The following COL28A1 variants were observed in gnomAD, a reference collection of about 807,000 sequenced individuals.
COL28A1 encodes collagen alpha-1(XXVIII) chain.
In COL28A1, 161 loss-of-function variants were observed where a neutral mutation model predicts 150.2. The observed-to-expected ratio is 1.07, with a 90% CI of 0.94 to 1.22. COL28A1 has a LOEUF of 1.22. Among genes scored for constraint, COL28A1 ranks in the 50% most tolerant of loss-of-function variants. The pLI is 0.00. For synonymous variants in COL28A1, 552 were observed against 469.7 expected, an observed-to-expected ratio of 1.18 and a Z score of -2.26; for missense variants, 1,617 against 1,388.3, an observed-to-expected ratio of 1.16 and a Z score of -2.62.
At chr7:7,540,804 G>A (rs1286299072), upstream of COL28A1, among the ~76,000 whole-genome samples, 7 of 152,262 alleles carry the variant, frequency 4.6e-5, no homozygotes, top group South Asian at 2.1e-4. Flanking sequence ...GGCCATTAAA[G>A]GCAATGAACA....
chr7:7,441,991 A>G (rs1393342315), intron 20 of COL28A1, among the ~76,000 whole-genome samples: 1 of 152,166 alleles, frequency 6.6e-6, no homozygotes, highest in Non-Finnish European at 1.5e-5. Context: ...CTCCACTACC[A>G]CTAATTTAGG....
chr7:7,515,956 A>C lies in COL28A1; in HGVS notation c.856-116T>G, dbSNP rs1026604124. The C allele has an allele frequency of 3.0e-5, 19 of 625,466 alleles. No individual in the cohort carries two copies. The African/African-American group carries it at 3.5e-4, about 11-fold the overall frequency. 38.7% of individuals were successfully genotyped at this position (625,466 alleles called of 1,614,324 possible). On this transcript the variant is annotated intron_variant, in intron 7 of 34. Transcript: ENST00000399429. ...AAAAACACATCTATACAGTCTGGAA[A>C]ATTAGATCATAGAAATGTAAACTGT...
At chr7:7,448,429 G>A (rs1335726745) in intron 18 of COL28A1, among the ~76,000 whole-genome samples, 5 of 151,686 alleles carry the variant, frequency 3.3e-5, no homozygotes, top group Non-Finnish European at 7.4e-5. Context: ...AAAAGCAACT[G>A]CACACTATAA....
At chr7:7,369,821 A>C (rs983973482) in intron 33 of COL28A1, among the ~76,000 whole-genome samples, 1 of 152,148 alleles carries the variant, frequency 6.6e-6, no homozygotes. Flanking sequence ...GCACATGCTC[A>C]TGATCACTCT....
intron 14 of COL28A1, among the ~76,000 whole-genome samples, chr7:7,475,907 T>A (rs1179546589): frequency 6.6e-6 from 1 of 152,214 alleles, no homozygotes; most frequent in Non-Finnish European, 1.5e-5. Flanking sequence ...CATGACAAAT[T>A]AAAATGTGTT....
rs1428204074 is a variant in COL28A1 at position 7,470,829 on chromosome 7, G to T, written c.1302+3772C>A. On this transcript the variant is annotated intron_variant, in intron 15 of 34. Transcript: ENST00000399429. ...CTTTGTAGGGACATGGATGAAATTG[G>T]AAACCATCATTCTCAGTAAACTATC... is the stretch of plus-strand genomic sequence containing the variant. 1.1e-4 allele frequency among the ~76,000 whole-genome samples: 14 copies of T among 128,974 alleles called. No individual in the cohort carries two copies. In the South Asian group the frequency reaches 3.3e-3, roughly 30 times the overall value. The allele number at this position is 128,974 out of a possible 152,430, so 84.6% of individuals were successfully genotyped here.
intron 25 of COL28A1, among the ~76,000 whole-genome samples, chr7:7,431,867 G>A (rs187704863): frequency 4.5e-4 from 69 of 152,222 alleles, no homozygotes; most frequent in Middle Eastern, 3.4e-3. Flanking sequence ...ATATTTTGGC[G>A]GTAGCATTGA....
chr7:7,365,450 C>G (rs1446055535), intron 33 of COL28A1, among the ~76,000 whole-genome samples: 1 of 152,080 alleles, frequency 6.6e-6, no homozygotes, highest in African/African-American at 2.4e-5. Flanking sequence ...TGTAGCTGGA[C>G]AAGCAGACGT....
chr7:7,388,717 T>C (rs1583270911), intron 27 of COL28A1, among the ~76,000 whole-genome samples: 1 of 152,232 alleles, frequency 6.6e-6, no homozygotes, highest in East Asian at 1.9e-4. Flanking sequence ...TGTGAGATGG[T>C]ATCTCATTGT....
intron 8 of COL28A1, among the ~76,000 whole-genome samples, chr7:7,515,528 C>T (rs978534595): frequency 1.3e-5 from 2 of 152,190 alleles, no homozygotes; most frequent in African/African-American, 2.4e-5. Flanking sequence ...TTTTAGCCTG[C>T]ATACCTGTGC....
intron 27 of COL28A1, among the ~76,000 whole-genome samples, chr7:7,388,846 G>GTT: frequency 6.6e-6 from 1 of 151,934 alleles, no homozygotes; most frequent in African/African-American, 2.4e-5. Context: ...CTTTTTGATG[G>GTT]GGTTGTTTTT....
At chr7:7,446,406 C>A (rs1201232331) in intron 18 of COL28A1, among the ~76,000 whole-genome samples, 1 of 151,872 alleles carries the variant, frequency 6.6e-6, no homozygotes, top group African/African-American at 2.4e-5. Context: ...AAGAAATGAA[C>A]AAGCTAGATA....
At chr7:7,486,869 T>C (rs182295662) in intron 13 of COL28A1, among the ~76,000 whole-genome samples, 111 of 152,340 alleles carry the variant, frequency 7.3e-4, no homozygotes, top group African/African-American at 1.8e-3. Context: ...TTTTTATGTC[T>C]ATATTCACAA....
intron 25 of COL28A1, among the ~76,000 whole-genome samples, chr7:7,426,054 A>T (rs1425442195): frequency 6.6e-6 from 1 of 152,202 alleles, no homozygotes; most frequent in Non-Finnish European, 1.5e-5. Context: ...TGGAAGCAAG[A>T]TATACTTGTT....
rs576874085 is a variant in COL28A1 at position 7,380,586 on chromosome 7, T to C, written c.2322+74A>G. On this transcript the variant is annotated intron_variant, in intron 30 of 34. Coordinates refer to ENST00000399429, the MANE Select transcript of COL28A1 (RefSeq NM_001037763.3). ...ATTCTGCATCCAAAAAATTCATAAT[T>C]CTAAAGCTAAAGCATGAATGCAACA... The C allele has an allele frequency of 3.8e-6, 5 of 1,322,094 alleles. No individual in the cohort carries two copies. The African/African-American group carries it at 7.4e-5, about 20-fold the overall frequency. 81.9% of individuals were successfully genotyped at this position (1,322,094 alleles called of 1,614,324 possible). A position where few individuals can be genotyped will look rare whatever the true frequency, so the allele number is the denominator to read the frequency against.
intron 18 of COL28A1, among the ~76,000 whole-genome samples, chr7:7,451,246 A>T (rs1786667423): frequency 6.6e-6 from 1 of 150,966 alleles, no homozygotes; most frequent in Non-Finnish European, 1.5e-5. Flanking sequence ...TTTTTTTTTA[A>T]GATGGAGTCT....
intron 27 of COL28A1, among the ~76,000 whole-genome samples, chr7:7,411,206 G>C (rs1239725634): frequency 3.3e-5 from 5 of 152,172 alleles, no homozygotes; most frequent in African/African-American, 1.2e-4. Context: ...CAGAAACACA[G>C]TTACTGTGGC....
Position 7,436,477 on chromosome 7 carries a change from A to G in COL28A1, c.1792-14T>C, listed in dbSNP as rs1291091302. 4.2e-6 allele frequency: 5 copies of G among 1,186,872 alleles called. No individual in the cohort carries two copies. Among genetic ancestry groups the G allele is most frequent in the South Asian group, 2.4e-5 (2 of 82,538 alleles). 73.5% of individuals were successfully genotyped at this position (1,186,872 alleles called of 1,614,324 possible). A position where few individuals can be genotyped will look rare whatever the true frequency, so the allele number is the denominator to read the frequency against. ...TCCTCTATCTCCCTGTACATTTCAA[A>G]TAACATTTCACAGGCTACAGTTGTG... On this transcript the variant is annotated splice_polypyrimidine_tract_variant and intron_variant, in intron 22 of 34. Transcript: ENST00000399429.
chr7:7,512,400 TGTTA>T (rs1781195306), intron 8 of COL28A1, among the ~76,000 whole-genome samples: 1 of 152,196 alleles, frequency 6.6e-6, no homozygotes, highest in Non-Finnish European at 1.5e-5. Flanking sequence ...GTGATATATA[TGTTA>T]ATTAGCTCAA....
Sources: gnomAD v4.1 joint callset for allele counts (sites outside exome capture counted in the v4.1 genomes callset) on GRCh38, gnomAD v4.1.1 for gene constraint, MANE v1.5 for transcripts, NCBI Gene and HGNC (gene_info 2026-07-23, HGNC 2026-07-21) for gene names.